Variants in SYNPR observed in about 807,000 individuals in gnomAD.
The protein encoded by SYNPR is synaptoporin.
In SYNPR, 23 loss-of-function variants were observed where a neutral mutation model predicts 32.9. That is an observed-to-expected ratio of 0.70 (90% CI 0.50 to 0.99). The LOEUF (loss-of-function observed/expected upper bound fraction) is 0.99. Among genes scored for constraint, SYNPR ranks in the 50% least tolerant of loss-of-function variants. The pLI, the probability that SYNPR is intolerant of heterozygous loss-of-function variation, is 0.00. For missense variants in SYNPR, 318 were observed against 349.3 expected, an observed-to-expected ratio of 0.91 and a Z score of 0.71; for synonymous variants, 146 against 135.9, an observed-to-expected ratio of 1.07 and a Z score of -0.52.
At chr3:63,505,029 G>A (rs1475142073) in intron 3 of SYNPR, among the ~76,000 whole-genome samples, 1 of 152,034 alleles carries the variant, frequency 6.6e-6, no homozygotes, top group African/African-American at 2.4e-5. Flanking sequence ...GATGGTAAGT[G>A]AACTGGAAAC....
In SYNPR at chr3:63,556,588, A is replaced by G; in HGVS notation, c.255A>G (p.Glu85=). The G allele has an allele frequency of 6.2e-7, 1 of 1,613,736 alleles. No homozygotes were observed. The highest frequency in any genetic ancestry group is 1.1e-5 in the South Asian group (1 of 91,032). ...TFEVPTCEGK[E]RQKLALIGDS... ...AGGTGCCCACCTGCGAGGGAAAGGA[A>G]CGGCAGAAGCTGGCATTGATTGGTG... is the stretch of plus-strand genomic sequence containing the variant. Residue 85 remains glutamate (E), a synonymous_variant, in exon 4 of 6, where the codon GAA becomes GAG. Transcript: ENST00000478300.
At chr3:63,218,240 A>G in the SYNPR span, among the ~76,000 whole-genome samples, 1 of 152,238 alleles carries the variant, frequency 6.6e-6, no homozygotes, top group African/African-American at 2.4e-5. Context: ...TATAAATGAT[A>G]TATTAGTTGA....
chr3:63,410,613 C>T (rs2088450587), intron 2 of SYNPR, among the ~76,000 whole-genome samples: 1 of 152,048 alleles, frequency 6.6e-6, no homozygotes, highest in South Asian at 2.1e-4. Context: ...TTTTAAACAC[C>T]CTATTATGTT....
chr3:63,200,913 C>T, the SYNPR span, among the ~76,000 whole-genome samples: 1 of 152,088 alleles, frequency 6.6e-6, no homozygotes, highest in African/African-American at 2.4e-5. Context: ...AATGGGCTGT[C>T]TCAACAAAAG....
intron 2 of SYNPR, among the ~76,000 whole-genome samples, chr3:63,422,703 G>A (rs978215975): frequency 1.3e-5 from 2 of 151,958 alleles, no homozygotes; most frequent in Non-Finnish European, 2.9e-5. Flanking sequence ...ACACAGTGCC[G>A]GGGCAGGAGT....
intron 2 of SYNPR, among the ~76,000 whole-genome samples, chr3:63,302,906 T>G (rs1156989802): frequency 6.6e-6 from 1 of 151,978 alleles, no homozygotes; most frequent in Admixed American, 6.6e-5. Flanking sequence ...AATAGAATAA[T>G]TTGAATGTTT....
At chr3:63,494,420 T>TATATATATATATACAC (rs1559516271) in intron 3 of SYNPR, among the ~76,000 whole-genome samples, 1 of 48,028 alleles carries the variant, frequency 2.1e-5, no homozygotes, top group African/African-American at 1.1e-4. Context: ...TATATATACG[T>TATATATATATATACAC]ATATATATAT....
intron 4 of SYNPR, 54 bp from the exon 5 acceptor site, chr3:63,609,071 T>A (rs1228919516): frequency 2.6e-6 from 4 of 1,529,754 alleles, no homozygotes; most frequent in Non-Finnish European, 3.5e-6. Context: ...AATCAACTTG[T>A]TTCTAGAACT....
chr3:63,354,267 G>T (rs1245752958), intron 2 of SYNPR, among the ~76,000 whole-genome samples: 1 of 152,142 alleles, frequency 6.6e-6, no homozygotes, highest in African/African-American at 2.4e-5. Context: ...AGCTTTGCTG[G>T]GCTGGCTCTG....
At chr3:63,515,882 A>AT (rs569167446) in intron 3 of SYNPR, among the ~76,000 whole-genome samples, 18 of 151,806 alleles carry the variant, frequency 1.2e-4, no homozygotes, top group African/African-American at 3.1e-4. Flanking sequence ...ACATTAAATT[A>AT]TTTTTTTTAC....
intron 2 of SYNPR, among the ~76,000 whole-genome samples, chr3:63,263,573 G>A (rs755013281): frequency 2.6e-5 from 4 of 152,178 alleles, no homozygotes; most frequent in Non-Finnish European, 5.9e-5. Context: ...TCCACATGGT[G>A]TCAGTTGGGG....
At chr3:63,329,928 T>A (rs530299533) in intron 2 of SYNPR, 1 of 152,284 alleles carries the variant, frequency 6.6e-6, no homozygotes, top group South Asian at 2.1e-4. Context: ...AAAGTAAATA[T>A]CACAGCACAG....
intron 4 of SYNPR, among the ~76,000 whole-genome samples, chr3:63,573,020 T>C (rs1702916092): frequency 1.3e-5 from 2 of 152,092 alleles, no homozygotes; most frequent in African/African-American, 4.8e-5. Context: ...TTTAAGAGTG[T>C]TGCAAATAAA....
At chr3:63,593,253 C>G (rs1249681471) in intron 4 of SYNPR, among the ~76,000 whole-genome samples, 6 of 152,088 alleles carry the variant, frequency 3.9e-5, no homozygotes, top group Non-Finnish European at 5.9e-5. Flanking sequence ...TTACTATTAA[C>G]TTTCTTTGAA....
intron 3 of SYNPR, among the ~76,000 whole-genome samples, chr3:63,499,711 C>CT (rs1701442213): frequency 6.6e-6 from 1 of 152,140 alleles, no homozygotes; most frequent in African/African-American, 2.4e-5. Flanking sequence ...GTATTTCTTA[C>CT]TTTCTAGCTC....
chr3:63,292,774 T>G (rs1167010716), intron 2 of SYNPR, among the ~76,000 whole-genome samples: 1 of 152,256 alleles, frequency 6.6e-6, no homozygotes, highest in Non-Finnish European at 1.5e-5. Flanking sequence ...AGTTATCTCT[T>G]AAATGTGCGC....
chr3:63,415,705 G>A (rs2088531135), intron 2 of SYNPR, among the ~76,000 whole-genome samples: 1 of 152,220 alleles, frequency 6.6e-6, no homozygotes, highest in South Asian at 2.1e-4. Context: ...AGTGGTGTAA[G>A]TTGCAAACAC....
rs1487350545 is a variant in SYNPR, at chr3:63,243,966, T to C, written n.67-8533T>C. 2.0e-5 allele frequency among the ~76,000 whole-genome samples: 3 copies of C among 152,226 alleles called. No individual in the cohort carries two copies. In the East Asian group the frequency reaches 5.8e-4, roughly 29 times the overall value. ...ATAACACAAACTATAGATTCTTATA[T>C]CAGGGAAAAGAGCCCTTTAAGTATT... On this transcript the variant is annotated intron_variant and non_coding_transcript_variant, in intron 1 of 4. Transcript: ENST00000478456.
chr3:63,383,717 A>G (rs901725907), intron 2 of SYNPR, among the ~76,000 whole-genome samples: 8 of 152,230 alleles, frequency 5.3e-5, no homozygotes, highest in African/African-American at 1.9e-4. Flanking sequence ...AGCTAAGAAC[A>G]GGAGTGGGAA....
Sources: allele counts gnomAD v4.1 joint callset (sites outside exome capture counted in the v4.1 genomes callset), GRCh38; gene constraint gnomAD v4.1.1; transcripts MANE v1.5; gene names NCBI Gene and HGNC (gene_info 2026-07-23, HGNC 2026-07-21).